The following NDST4 variants were observed in gnomAD, a reference collection of about 807,000 sequenced individuals.
NDST4 encodes the protein N-deacetylase and N-sulfotransferase 4.
In NDST4, 63 loss-of-function variants were observed where a neutral mutation model predicts 100.8. That is an observed-to-expected ratio of 0.62 (90% CI 0.51 to 0.77). NDST4 has a LOEUF of 0.77. Ranked by LOEUF, NDST4 falls within the 30% of genes least tolerant of loss-of-function variation. The probability of loss-of-function intolerance (pLI) is 0.00; values close to 1 mark genes in which losing one functional copy is unlikely to be tolerated. For missense variants in NDST4, 943 were observed against 1,018.4 expected, an observed-to-expected ratio of 0.93 and a Z score of 1.01; for synonymous variants, 377 against 361.8, an observed-to-expected ratio of 1.04 and a Z score of -0.48.
chr4:115,033,157 A>ATATATATATTTTT (rs1491126767), intron 2 of NDST4, among the ~76,000 whole-genome samples: 14 of 59,946 alleles, frequency 2.3e-4, no homozygotes, highest in African/African-American at 6.9e-4. Context: ...ATATATATAT[A>ATATATATATTTTT]TTTTTTTTTT....
At chr4:114,850,768 C>G (rs550073742) in intron 8 of NDST4, among the ~76,000 whole-genome samples, 1 of 152,246 alleles carries the variant, frequency 6.6e-6, no homozygotes, top group East Asian at 1.9e-4. Flanking sequence ...GAGTTATGCT[C>G]TTATAATTGT....
intron 2 of NDST4, among the ~76,000 whole-genome samples, chr4:115,060,758 C>G (rs1014867679): frequency 2.0e-5 from 3 of 151,612 alleles, no homozygotes; most frequent in South Asian, 2.1e-4. Context: ...TACACACACA[C>G]AGAGAGATAC....
chr4:115,032,457 T>G (rs1728135659), intron 2 of NDST4, among the ~76,000 whole-genome samples: 1 of 152,100 alleles, frequency 6.6e-6, no homozygotes, highest in Admixed American at 6.6e-5. Flanking sequence ...ACTAGACTCA[T>G]TTGAGAAGCT....
chr4:114,915,832 G>T (rs1351527501), intron 6 of NDST4, among the ~76,000 whole-genome samples: 1 of 151,848 alleles, frequency 6.6e-6, no homozygotes, highest in Non-Finnish European at 1.5e-5. Flanking sequence ...AGGAGGAGAA[G>T]GAGAGGGGGA....
chr4:115,059,345 T>C (rs1187165544), intron 2 of NDST4, among the ~76,000 whole-genome samples: 5 of 152,184 alleles, frequency 3.3e-5, no homozygotes, highest in African/African-American at 9.6e-5. Flanking sequence ...ATCTCCATAT[T>C]TGTAGACATG....
chr4:114,933,453 T>TTGTG (rs1553955202), intron 6 of NDST4, among the ~76,000 whole-genome samples: 19 of 141,064 alleles, frequency 1.3e-4, no homozygotes, highest in African/African-American at 5.0e-4. Flanking sequence ...TTTTTTTTTT[T>TTGTG]TGTGTGTAAA....
chr4:115,058,344 A>G (rs904039557), intron 2 of NDST4, among the ~76,000 whole-genome samples: 2 of 152,190 alleles, frequency 1.3e-5, no homozygotes, highest in African/African-American at 2.4e-5. Flanking sequence ...AGCAACTTCA[A>G]TCATACCATT....
In NDST4 at chr4:114,978,409, T is replaced by C. The variant is rs571310290; in HGVS notation, c.979-1135A>G. Among the ~76,000 whole-genome samples, 193 of 152,168 alleles carry C rather than the reference T, an allele frequency of 1.3e-3. 1 individual carries two copies. The highest frequency in any genetic ancestry group is 2.6e-3 in the Admixed American group (40 of 15,268). ...AAAAAATGACTAAGTAACTAAAATG[T>C]TGATAAAATATATAGTCAATGGTTA... On this transcript the variant is annotated intron_variant, in intron 2 of 13. Transcript: ENST00000264363.
chr4:114,866,970 C>A (rs199809718), intron 7 of NDST4, among the ~76,000 whole-genome samples: 10 of 152,110 alleles, frequency 6.6e-5, no homozygotes, highest in Admixed American at 6.6e-4. Context: ...TAATAGTATA[C>A]TTGCTTTTTT....
intron 1 of NDST4, among the ~76,000 whole-genome samples, chr4:115,094,296 A>C (rs1729577599): frequency 6.6e-6 from 1 of 152,164 alleles, no homozygotes; most frequent in African/African-American, 2.4e-5. Context: ...ACCTCCAGTC[A>C]CTGATGTCAA....
intron 5 of NDST4, among the ~76,000 whole-genome samples, 187 bp downstream of exon 5, chr4:114,937,131 G>A (rs921556548): frequency 2.6e-5 from 4 of 152,178 alleles, no homozygotes; most frequent in Admixed American, 1.3e-4. Flanking sequence ...CCACTCCACA[G>A]CTTAGGAGCA....
At chr4:115,044,142 T>A (rs781576589) in intron 2 of NDST4, among the ~76,000 whole-genome samples, 12 of 152,180 alleles carry the variant, frequency 7.9e-5, no homozygotes, top group Non-Finnish European at 1.6e-4. Context: ...GAATTGAAGC[T>A]TTAATTTAAG....
intron 1 of NDST4, among the ~76,000 whole-genome samples, chr4:115,106,992 A>C (rs1729845892): frequency 6.6e-6 from 1 of 152,008 alleles, no homozygotes; most frequent in African/African-American, 2.4e-5. Context: ...TCTTTACAAA[A>C]AATATGAATA....
At chr4:115,051,488 G>T (rs954978968) in intron 2 of NDST4, among the ~76,000 whole-genome samples, 1 of 151,592 alleles carries the variant, frequency 6.6e-6, no homozygotes, top group Non-Finnish European at 1.5e-5. Context: ...TTTTTAATTT[G>T]CCACATATGA....
intron 6 of NDST4, among the ~76,000 whole-genome samples, chr4:114,887,998 T>A (rs1357694360): frequency 6.6e-6 from 1 of 151,880 alleles, no homozygotes. Flanking sequence ...AGGTCAGGAG[T>A]CTGAGACCAG....
In NDST4 at chr4:115,076,546, A is replaced by G; in HGVS notation, c.491T>C (p.Phe164Ser). The change falls in exon 2 of 14, where the codon TTT becomes TCT. Residue 164 changes from phenylalanine to serine, a missense_variant. Phe to Ser is a radical substitution (Grantham distance 155, BLOSUM62 -2). This residue lies in a region of NDST4 where 417 missense variants were observed against 384.2 expected (regional missense o/e 1.09). Coordinates refer to ENST00000264363, the MANE Select transcript of NDST4 (RefSeq NM_022569.3). ...CVEYSVSIIGFHKANENSLPS... is the reference protein window; with the variant it reads ...CVEYSVSIIGSHKANENSLPS... ...TAAGCTGTTCTCATTGGCTTTATGA[A>G]AACCGATTATACTAACACTGTATTC... 6.2e-7 allele frequency: 1 copy of G among 1,613,982 alleles called. No individual in the cohort carries two copies. Among genetic ancestry groups the G allele is most frequent in the Non-Finnish European group, 8.5e-7 (1 of 1,179,960 alleles).
intron 6 of NDST4, among the ~76,000 whole-genome samples, chr4:114,905,464 T>A (rs1724928418): frequency 6.6e-6 from 1 of 151,850 alleles, no homozygotes; most frequent in African/African-American, 2.4e-5. Context: ...AAAAACAGAG[T>A]TCTGTTTTTA....
chr4:114,879,491 C>A (rs575211746), intron 6 of NDST4, among the ~76,000 whole-genome samples: 63 of 152,270 alleles, frequency 4.1e-4, no homozygotes, highest in African/African-American at 1.5e-3. Flanking sequence ...TCCCTCTTCC[C>A]CATTCCCTTG....
intron 2 of NDST4, among the ~76,000 whole-genome samples, chr4:114,984,822 T>C (rs775245085): frequency 6.6e-6 from 1 of 152,144 alleles, no homozygotes; most frequent in Admixed American, 6.5e-5. Context: ...TTTGCTTCGA[T>C]ACTATTTGTA....
Sources: gnomAD v4.1 joint callset for allele counts (sites outside exome capture counted in the v4.1 genomes callset) on GRCh38, gnomAD v4.1.1 for gene constraint, gnomAD v4.1.1 regional missense constraint, MANE v1.5 for transcripts, NCBI Gene and HGNC (gene_info 2026-07-23, HGNC 2026-07-21) for gene names.